PTPRN2: variants seen among roughly 807,000 people sequenced by gnomAD.
The protein encoded by PTPRN2 is receptor-type tyrosine-protein phosphatase N2.
Under a neutral mutation model 118.8 loss-of-function variants are expected in PTPRN2, and 74 were observed. The observed-to-expected ratio is 0.62, with a 90% CI of 0.52 to 0.76. The LOEUF is 0.76. Among genes scored for constraint, PTPRN2 ranks in the 30% least tolerant of loss-of-function variants. The pLI, the probability that PTPRN2 is intolerant of heterozygous loss-of-function variation, is 0.00. For synonymous variants in PTPRN2, 641 were observed against 608.0 expected, an observed-to-expected ratio of 1.05 and a Z score of -0.80; for missense variants, 1,481 against 1,394.4, an observed-to-expected ratio of 1.06 and a Z score of -0.99.
intron 11 of PTPRN2, among the ~76,000 whole-genome samples, chr7:158,057,314 C>A (rs1809865813): frequency 6.6e-6 from 1 of 152,206 alleles, no homozygotes; most frequent in Non-Finnish European, 1.5e-5. Flanking sequence ...CTCCTGACAG[C>A]CTCCCATGAC....
At chr7:158,229,147 C>G (rs575407007) in intron 3 of PTPRN2, among the ~76,000 whole-genome samples, 1 of 152,018 alleles carries the variant, frequency 6.6e-6, no homozygotes, top group Non-Finnish European at 1.5e-5. Context: ...AGATCTTTAA[C>G]CAGAGCCAAG....
At chr7:158,201,151 G>C (rs1010984608) in intron 4 of PTPRN2, among the ~76,000 whole-genome samples, 2 of 151,746 alleles carry the variant, frequency 1.3e-5, no homozygotes, top group Non-Finnish European at 2.9e-5. Flanking sequence ...CCCGGGCTCA[G>C]GTGATCCTCT....
rs564545207 is a variant in PTPRN2, at chr7:158,472,794, G to T, written c.163+16941C>A. Among the ~76,000 whole-genome samples, 77 of 152,314 alleles carry T rather than the reference G, an allele frequency of 5.1e-4. 1 individual carries two copies. The South Asian group carries it at 0.016, about 31-fold the overall frequency. On this transcript the variant is annotated intron_variant, in intron 2 of 22. Coordinates refer to ENST00000389418, the MANE Select transcript of PTPRN2 (RefSeq NM_002847.5). ...ACAAGGCCGTTGCATGCAAGGGCCCGAGAGCTGGCCGTCCACATTTCCTCC... is the reference window on the plus strand; with the variant it reads ...ACAAGGCCGTTGCATGCAAGGGCCCTAGAGCTGGCCGTCCACATTTCCTCC...
intron 12 of PTPRN2, among the ~76,000 whole-genome samples, chr7:157,772,276 TACACAG>T (rs1802904435): frequency 7.9e-5 from 8 of 100,958 alleles, no homozygotes; most frequent in Non-Finnish European, 2.2e-5. Flanking sequence ...CATACAGACA[TACACAG>T]ACACACAAAC....
At chr7:158,023,919 C>T (rs1807085144) in intron 11 of PTPRN2, among the ~76,000 whole-genome samples, 1 of 151,602 alleles carries the variant, frequency 6.6e-6, no homozygotes, top group Admixed American at 6.6e-5. Flanking sequence ...GCCTGGCACA[C>T]ACTCGCAGGC....
At chr7:157,961,194 A>AT (rs1429512228) in intron 11 of PTPRN2, among the ~76,000 whole-genome samples, 6 of 152,042 alleles carry the variant, frequency 3.9e-5, no homozygotes, top group African/African-American at 9.7e-5. Context: ...TCCTCTTTTG[A>AT]TTTTTTCCAA....
intron 12 of PTPRN2, among the ~76,000 whole-genome samples, chr7:157,791,059 A>G (rs1046824764): frequency 1.3e-5 from 2 of 152,232 alleles, no homozygotes; most frequent in Non-Finnish European, 2.9e-5. Context: ...TGAGCAAAAA[A>G]AATCCCGTTT....
intron 2 of PTPRN2, among the ~76,000 whole-genome samples, chr7:158,402,791 C>G (rs1813052223): frequency 6.6e-6 from 1 of 152,182 alleles, no homozygotes; most frequent in Admixed American, 6.5e-5. Flanking sequence ...AGCTCTGGTC[C>G]CACGGTGGAG....
intron 2 of PTPRN2, among the ~76,000 whole-genome samples, chr7:158,476,301 G>T (rs1285536862): frequency 6.6e-6 from 1 of 152,228 alleles, no homozygotes; most frequent in Non-Finnish European, 1.5e-5. Flanking sequence ...ACTGCACCCA[G>T]TCCCACTGTT....
chr7:158,506,426 G>C (rs540773598), intron 1 of PTPRN2, among the ~76,000 whole-genome samples: 3 of 152,224 alleles, frequency 2.0e-5, no homozygotes, highest in Admixed American at 2.0e-4. Flanking sequence ...ACACAGGTGT[G>C]GTGGCAATTG....
chr7:157,919,412 C>T (rs1272894542), intron 11 of PTPRN2, among the ~76,000 whole-genome samples: 1 of 151,962 alleles, frequency 6.6e-6, no homozygotes, highest in African/African-American at 2.4e-5. Context: ...GAAATGATTC[C>T]CCGGAGGTGG....
At chr7:158,061,458 G>A (rs957461155) in intron 11 of PTPRN2, among the ~76,000 whole-genome samples, 7 of 152,340 alleles carry the variant, frequency 4.6e-5, no homozygotes, top group African/African-American at 1.7e-4. Flanking sequence ...CAAGCGCTCG[G>A]CAGAGAAATG....
At position 158,205,266 on chromosome 7, in the gene PTPRN2, C is replaced by T. The variant is rs1394898052; in HGVS notation, c.285G>A (p.Thr95=). The change falls in exon 4 of 23, where the codon ACG becomes ACA. Residue 95 remains threonine, a synonymous_variant. Transcript: ENST00000389418. ...ALQKLSGTGF[T]WQDDYTQYVM... is the part of the protein sequence containing the mutation. ...CATACTGAGTATAGTCATCCTGCCA[C>T]GTGAAACCTGTGGACAAAAATTGCA... 3.1e-6 allele frequency: 5 copies of T among 1,613,232 alleles called. No homozygotes were observed. The South Asian group carries it at 3.3e-5, about 11-fold the overall frequency.
intron 3 of PTPRN2, among the ~76,000 whole-genome samples, chr7:158,278,509 T>G (rs912475456): frequency 2.6e-5 from 4 of 152,182 alleles, no homozygotes; most frequent in Non-Finnish European, 5.9e-5. Context: ...TCGCACCATT[T>G]GGGCAACAAA....
chr7:158,364,126 C>G (rs1285387413), intron 2 of PTPRN2, among the ~76,000 whole-genome samples: 1 of 152,118 alleles, frequency 6.6e-6, no homozygotes, highest in South Asian at 2.1e-4. Context: ...CACCATGCTT[C>G]CCCCAGCAGG....
chr7:158,322,431 G>C (rs1176329077), intron 2 of PTPRN2, among the ~76,000 whole-genome samples: 1 of 151,754 alleles, frequency 6.6e-6, no homozygotes, highest in Non-Finnish European at 1.5e-5. Flanking sequence ...AGGACATCGA[G>C]GACACTCCAG....
chr7:158,175,334 G>A (rs1824089360), intron 5 of PTPRN2, among the ~76,000 whole-genome samples: 1 of 152,182 alleles, frequency 6.6e-6, no homozygotes, highest in Non-Finnish European at 1.5e-5. Context: ...AGCTGAGGTG[G>A]GAACGCTGCA....
At chr7:157,713,439 C>G (rs113329865) in intron 12 of PTPRN2, among the ~76,000 whole-genome samples, 1 of 152,078 alleles carries the variant, frequency 6.6e-6, no homozygotes, top group Non-Finnish European at 1.5e-5. Context: ...ATTTATCTAA[C>G]GGCATGATCG....
intron 14 of PTPRN2, among the ~76,000 whole-genome samples, chr7:157,643,179 C>T (rs1469808808): frequency 6.6e-6 from 1 of 152,244 alleles, no homozygotes; most frequent in Non-Finnish European, 1.5e-5. Context: ...CCTATAGACT[C>T]AGCCACTTGT....
Sources: gnomAD v4.1 joint callset for allele counts (sites outside exome capture counted in the v4.1 genomes callset) on GRCh38, gnomAD v4.1.1 for gene constraint, MANE v1.5 for transcripts, NCBI Gene and HGNC (gene_info 2026-07-23, HGNC 2026-07-21) for gene names.